The following ABAT variants were observed in gnomAD, a reference collection of about 807,000 sequenced individuals.
The protein encoded by ABAT is 4-aminobutyrate aminotransferase, mitochondrial.
Under a neutral mutation model 64.6 loss-of-function variants are expected in ABAT, and 45 were observed. The observed-to-expected ratio is 0.70, with a 90% CI of 0.55 to 0.89. The LOEUF is 0.89. Among genes scored for constraint, ABAT ranks in the 40% least tolerant of loss-of-function variants. The probability of loss-of-function intolerance (pLI) is 0.00; values close to 1 mark genes in which losing one functional copy is unlikely to be tolerated. For missense variants in ABAT, 633 were observed against 658.4 expected (o/e 0.96, Z 0.42); for synonymous variants, 297 against 250.5 (o/e 1.19, Z -1.75).
chr16:8,735,888 C>T (rs1342232210), intron 2 of ABAT, 79 bp downstream of exon 2: 2 of 1,317,994 alleles, frequency 1.5e-6, no homozygotes, highest in South Asian at 1.3e-5. Flanking sequence ...GCTGGAAGAG[C>T]CCTTGGGGAT....
chr16:8,734,558 C>T (rs865990735), intron 1 of ABAT, among the ~76,000 whole-genome samples: 17 of 152,236 alleles, frequency 1.1e-4, no homozygotes, highest in Middle Eastern at 3.4e-3. Context: ...GACCATGGAG[C>T]ATGGTTGTAC....
chr16:8,698,961 A>G (rs1336885318), intron 1 of ABAT, among the ~76,000 whole-genome samples: 1 of 152,090 alleles, frequency 6.6e-6, no homozygotes, highest in Non-Finnish European at 1.5e-5. Flanking sequence ...GAAAAAACAA[A>G]CAAACAAAAA....
intron 5 of ABAT, chr16:8,757,338 T>C: frequency 2.8e-6 from 1 of 360,140 alleles, no homozygotes; most frequent in South Asian, 2.2e-5. Flanking sequence ...CGGCTAATTT[T>C]TGTATTTTTA....
chr16:8,763,995 G>C (rs1357393591), intron 6 of ABAT, 74 bp from the exon 7 acceptor site: 9 of 1,311,278 alleles, frequency 6.9e-6, no homozygotes, highest in Non-Finnish European at 9.9e-6. Context: ...CAGGGGCTAT[G>C]AAAAGCACCA....
chr16:8,750,665 A>C, intron 5 of ABAT, 126 bp downstream of exon 5: 1 of 839,764 alleles, frequency 1.2e-6, no homozygotes, highest in Non-Finnish European at 2.1e-6. Flanking sequence ...CACTTCACCC[A>C]AGGGTAGGAA....
intron 1 of ABAT, among the ~76,000 whole-genome samples, chr16:8,693,183 A>C (rs1418908040): frequency 6.6e-6 from 1 of 152,150 alleles, no homozygotes; most frequent in African/African-American, 2.4e-5. Flanking sequence ...CTCCCCAAAA[A>C]CTTTACTACT....
chr16:8,733,030 T>TTC (rs1567292031), intron 1 of ABAT, among the ~76,000 whole-genome samples: 1 of 127,248 alleles, frequency 7.9e-6, no homozygotes, highest in Admixed American at 7.7e-5. Context: ...AGGGGGCTGA[T>TTC]CCCCCCACCT....
Position 8,768,414 on chromosome 16 carries a change from G to T in ABAT, c.667+158G>T, listed in dbSNP as rs8053509. Among the ~76,000 whole-genome samples, 130,418 of 152,162 alleles carry T rather than the reference G, an allele frequency of 0.86. 55,923 individuals are homozygous for T. The highest frequency in any genetic ancestry group is 0.88 in the East Asian group (4,552 of 5,174). On this transcript the variant is annotated intron_variant, in intron 10 of 15. Coordinates refer to ENST00000268251, the MANE Select transcript of ABAT (RefSeq NM_020686.6). The stretch of plus-strand genomic sequence containing the variant: ...GATTATTATTCCTGCTTTGCAGATG[G>T]GGGAATCAGTGTTCAGGAAGAGGAA...
At chr16:8,745,409 G>T (rs2059300330) in intron 2 of ABAT, among the ~76,000 whole-genome samples, 4 of 152,252 alleles carry the variant, frequency 2.6e-5, no homozygotes, top group Admixed American at 2.6e-4. Flanking sequence ...TAGAAAGCTG[G>T]CATCAGATCA....
At position 8,781,758 on chromosome 16, in the gene ABAT, GC is replaced by G. The variant is rs1157230953; in HGVS notation, c.*330del. The G allele has an allele frequency of 4.7e-6, 2 of 421,662 alleles. No individual in the cohort carries two copies. Among genetic ancestry groups the G allele is most frequent in the Non-Finnish European group, 8.9e-6 (2 of 224,780 alleles). The allele number at this position is 421,662 out of a possible 1,614,324, so 26.1% of individuals were successfully genotyped here. ...ACCAACCCCAGCAATTTTTCCAAAA[GC>G]CAGTCAAGGGCATTACATTTGTTCC... On this transcript the variant is annotated 3_prime_UTR_variant, in exon 16 of 16. Transcript: ENST00000268251. This position sits in a 1 kb window ranked among gnomAD's most constrained non-coding sequence, Gnocchi z 4.5.
At chr16:8,744,421 G>T (rs1325036382) in intron 2 of ABAT, among the ~76,000 whole-genome samples, 1 of 151,932 alleles carries the variant, frequency 6.6e-6, no homozygotes, top group East Asian at 2.0e-4. Flanking sequence ...AGTCTGAAGT[G>T]CAGTGGCACA....
At chr16:8,750,137 C>A (rs2059437171) in intron 4 of ABAT, among the ~76,000 whole-genome samples, 1 of 152,196 alleles carries the variant, frequency 6.6e-6, no homozygotes, top group South Asian at 2.1e-4. Context: ...CCATACATAT[C>A]TTAACAGAAT....
chr16:8,754,179 T>TA (rs750745519), intron 5 of ABAT, among the ~76,000 whole-genome samples: 2,000 of 63,806 alleles, frequency 0.031, 172 homozygotes, highest in African/African-American at 0.1. Flanking sequence ...ACCCTGTCTA[T>TA]AAAAAAAAAA....
At position 8,689,539 on chromosome 16, in the gene ABAT, C is replaced by A. The variant is rs575538522; in HGVS notation, c.-42+14828C>A. 5.9e-5 allele frequency among the ~76,000 whole-genome samples: 9 copies of A among 152,274 alleles called. No homozygotes were observed. The South Asian group carries it at 1.9e-3, about 32-fold the overall frequency. The stretch of plus-strand genomic sequence containing the variant: ...GTCTAATCATATGCACAACTTCTAC[C>A]TTAAAGTGTATAGTCTTATAAGTGA... On this transcript the variant is annotated intron_variant, in intron 1 of 15. Coordinates refer to ENST00000268251, the MANE Select transcript of ABAT (RefSeq NM_020686.6).
chr16:8,722,766 G>T, intron 1 of ABAT: 1 of 1,268,950 alleles, frequency 7.9e-7, no homozygotes, highest in Non-Finnish European at 1.0e-6. Flanking sequence ...TCTTTCCCCA[G>T]ATGCGCCCAT....
At chr16:8,741,677 T>A (rs150733867) in intron 2 of ABAT, among the ~76,000 whole-genome samples, 13 of 152,348 alleles carry the variant, frequency 8.5e-5, no homozygotes, top group Admixed American at 8.5e-4. Context: ...TGTGGTGTAT[T>A]GTTATATGTC....
intron 1 of ABAT, among the ~76,000 whole-genome samples, chr16:8,676,783 G>T (rs1249728063): frequency 6.6e-6 from 1 of 152,108 alleles, no homozygotes; most frequent in Non-Finnish European, 1.5e-5. Context: ...TCCCTCCAAG[G>T]TCCCCTCCCT....
At chr16:8,762,389 T>C (rs1328277877) in intron 6 of ABAT, among the ~76,000 whole-genome samples, 1 of 152,182 alleles carries the variant, frequency 6.6e-6, no homozygotes, top group Non-Finnish European at 1.5e-5. Context: ...CCATATCATC[T>C]CACTGGCTTC....
intron 1 of ABAT, among the ~76,000 whole-genome samples, chr16:8,687,831 A>G (rs185728105): frequency 6.6e-6 from 1 of 152,258 alleles, no homozygotes; most frequent in East Asian, 1.9e-4. Flanking sequence ...TGGCAACAAC[A>G]AAACTACCTT....
Sources: gnomAD v4.1 joint callset for allele counts (sites outside exome capture counted in the v4.1 genomes callset) on GRCh38, gnomAD v4.1.1 for gene constraint, Gnocchi (gnomAD v3.1) non-coding constraint, MANE v1.5 for transcripts, NCBI Gene and HGNC (gene_info 2026-07-23, HGNC 2026-07-21) for gene names.